The following ANKS1B variants were observed in gnomAD, a reference collection of about 807,000 sequenced individuals.
ANKS1B encodes the protein ankyrin repeat and sterile alpha motif domain containing 1B, also known as ankyrin repeat and sterile alpha motif domain-containing protein 1B.
A neutral mutation model predicts 148.3 loss-of-function variants in ANKS1B; 36 were observed. That is an observed-to-expected ratio of 0.24 (90% CI 0.19 to 0.32). The LOEUF is 0.32. Ranked by LOEUF, ANKS1B falls within the 10% of genes least tolerant of loss-of-function variation. ANKS1B has a pLI of 1.00. For missense variants in ANKS1B, 1,157 were observed against 1,542.6 expected, an observed-to-expected ratio of 0.75 and a Z score of 4.19; for synonymous variants, 542 against 560.8, an observed-to-expected ratio of 0.97 and a Z score of 0.47.
At chr12:99,362,219 AT>A (rs2092519286) in intron 12 of ANKS1B, among the ~76,000 whole-genome samples, 1 of 152,040 alleles carries the variant, frequency 6.6e-6, no homozygotes, top group Non-Finnish European at 1.5e-5. Flanking sequence ...TACCTATAAA[AT>A]AACTTGATAT....
At chr12:99,415,913 G>C (rs1359875008) in intron 11 of ANKS1B, among the ~76,000 whole-genome samples, 1 of 151,980 alleles carries the variant, frequency 6.6e-6, no homozygotes. Context: ...TCAATCTCCT[G>C]ACCTCGTGAT....
intron 17 of ANKS1B, among the ~76,000 whole-genome samples, chr12:99,025,447 T>C (rs889057286): frequency 5.9e-5 from 9 of 152,334 alleles, no homozygotes; most frequent in Admixed American, 2.0e-4. Flanking sequence ...CGGATCGTCA[T>C]GAATGAAATA....
At chr12:99,324,971 T>G (rs1200428013) in intron 12 of ANKS1B, among the ~76,000 whole-genome samples, 1 of 152,120 alleles carries the variant, frequency 6.6e-6, no homozygotes, top group African/African-American at 2.4e-5. Flanking sequence ...TTATTAGGTG[T>G]TCCATTCATT....
At chr12:99,868,501 A>G (rs2091048671) in intron 1 of ANKS1B, among the ~76,000 whole-genome samples, 1 of 152,214 alleles carries the variant, frequency 6.6e-6, no homozygotes, top group African/African-American at 2.4e-5. Context: ...AAAAAGAAAT[A>G]GAAGACATGA....
At chr12:99,611,427 T>A (rs2153345438) in intron 9 of ANKS1B, among the ~76,000 whole-genome samples, 1 of 152,218 alleles carries the variant, frequency 6.6e-6, no homozygotes, top group South Asian at 2.1e-4. Flanking sequence ...GTTTGTTTGT[T>A]TAAGCACACA....
chr12:99,534,377 TTTA>T (rs2097039234), intron 9 of ANKS1B, among the ~76,000 whole-genome samples: 1 of 152,234 alleles, frequency 6.6e-6, no homozygotes, highest in Non-Finnish European at 1.5e-5. Context: ...TCATTTGCCA[TTTA>T]TTGTTTTCAC....
At chr12:99,603,674 A>G (rs1458824895) in intron 9 of ANKS1B, among the ~76,000 whole-genome samples, 1 of 152,182 alleles carries the variant, frequency 6.6e-6, no homozygotes, top group Non-Finnish European at 1.5e-5. Context: ...TACAGTAGAA[A>G]AAAAAAGTAA....
At chr12:98,983,554 T>C (rs1425922025) in intron 17 of ANKS1B, among the ~76,000 whole-genome samples, 1 of 152,132 alleles carries the variant, frequency 6.6e-6, no homozygotes, top group East Asian at 1.9e-4. Context: ...GTTATGAGGG[T>C]CATCTATAGA....
intron 17 of ANKS1B, among the ~76,000 whole-genome samples, chr12:98,887,689 C>T (rs2099743241): frequency 2.6e-5 from 4 of 151,974 alleles, no homozygotes; most frequent in African/African-American, 9.7e-5. Context: ...CTCACTGCAA[C>T]CTCTGTCTCC....
intron 17 of ANKS1B, among the ~76,000 whole-genome samples, chr12:99,042,319 A>T (rs1349133356): frequency 6.6e-6 from 1 of 152,178 alleles, no homozygotes; most frequent in Non-Finnish European, 1.5e-5. Flanking sequence ...TTTCTTTGTT[A>T]TGAAGACATG....
chr12:99,194,633 C>T (rs1481409551), intron 14 of ANKS1B, among the ~76,000 whole-genome samples: 1 of 151,936 alleles, frequency 6.6e-6, no homozygotes, highest in Admixed American at 6.6e-5. Context: ...TTCAAACACA[C>T]AAAAGGTTAA....
intron 14 of ANKS1B, among the ~76,000 whole-genome samples, chr12:99,164,009 T>G (rs905430162): frequency 6.6e-6 from 1 of 152,222 alleles, no homozygotes; most frequent in Non-Finnish European, 1.5e-5. Flanking sequence ...CTTGCGGTTT[T>G]AATTTGTATT....
intron 14 of ANKS1B, among the ~76,000 whole-genome samples, chr12:99,168,533 A>G (rs1254816611): frequency 1.3e-5 from 2 of 151,832 alleles, no homozygotes; most frequent in Admixed American, 6.6e-5. Context: ...AAAAAAAAAA[A>G]GGAAGTTAAA....
intron 17 of ANKS1B, among the ~76,000 whole-genome samples, chr12:99,004,362 T>A (rs2099934865): frequency 6.6e-6 from 1 of 152,172 alleles, no homozygotes; most frequent in African/African-American, 2.4e-5. Flanking sequence ...TATACCAATA[T>A]CGTCCTCATA....
chr12:99,522,218 G>T (rs1027979712), intron 9 of ANKS1B, among the ~76,000 whole-genome samples: 2 of 151,990 alleles, frequency 1.3e-5, no homozygotes, highest in Non-Finnish European at 2.9e-5. Context: ...TCTCTGCCTT[G>T]GTCTTTGACA....
intron 11 of ANKS1B, among the ~76,000 whole-genome samples, chr12:99,401,685 T>A (rs1198629726): frequency 6.8e-6 from 1 of 146,740 alleles, no homozygotes; most frequent in African/African-American, 2.6e-5. Context: ...CAAGACACTG[T>A]CCCTGTTTTC....
At chr12:99,942,021 G>A (rs2153816624) in intron 1 of ANKS1B, among the ~76,000 whole-genome samples, 1 of 152,162 alleles carries the variant, frequency 6.6e-6, no homozygotes. Context: ...CACAGATTAG[G>A]GCTTATGATT....
chr12:99,132,739 A>G (rs1035919490), intron 15 of ANKS1B, among the ~76,000 whole-genome samples: 3 of 152,172 alleles, frequency 2.0e-5, no homozygotes, highest in Non-Finnish European at 2.9e-5. Flanking sequence ...ATCTTCTCTG[A>G]GCCTTAGTCT....
At chr12:99,767,834 T>C (rs1161148743) in intron 8 of ANKS1B, among the ~76,000 whole-genome samples, 4 of 152,266 alleles carry the variant, frequency 2.6e-5, no homozygotes, top group South Asian at 2.1e-4. Flanking sequence ...AAACCTCCAA[T>C]TGAATACATT....
Sources: gnomAD v4.1 joint callset for allele counts (sites outside exome capture counted in the v4.1 genomes callset) on GRCh38, gnomAD v4.1.1 for gene constraint, MANE v1.5 for transcripts, NCBI Gene and HGNC (gene_info 2026-07-23, HGNC 2026-07-21) for gene names.